Variants in CSRP1 observed in about 807,000 individuals in gnomAD.
The protein encoded by CSRP1 is cysteine and glycine-rich protein 1.
A neutral mutation model predicts 25.4 loss-of-function variants in CSRP1; 16 were observed. The ratio of observed to expected loss-of-function variants is 0.63; its 90% CI spans 0.43 to 0.96. The LOEUF is 0.96. Ranked by LOEUF, CSRP1 falls within the 40% of genes least tolerant of loss-of-function variation. The pLI, the probability that CSRP1 is intolerant of heterozygous loss-of-function variation, is 0.00. For synonymous variants in CSRP1, 97 were observed against 95.3 expected, an observed-to-expected ratio of 1.02 and a Z score of -0.10; for missense variants, 212 against 243.6, an observed-to-expected ratio of 0.87 and a Z score of 0.86.
At chr1:201,504,919 C>T (rs1432244564) in intron 1 of CSRP1, among the ~76,000 whole-genome samples, 2 of 152,056 alleles carry the variant, frequency 1.3e-5, no homozygotes, top group African/African-American at 4.8e-5. Context: ...GCCAACATGG[C>T]GAAATGCCGT....
At chr1:201,493,166 C>A (rs1210324880) in intron 2 of CSRP1, among the ~76,000 whole-genome samples, 8 of 152,208 alleles carry the variant, frequency 5.3e-5, no homozygotes, top group Admixed American at 4.6e-4. Flanking sequence ...GATCTGGCAG[C>A]CCCTTTCAAG....
At chr1:201,504,432 T>A (rs552642320) in intron 1 of CSRP1, among the ~76,000 whole-genome samples, 2 of 152,268 alleles carry the variant, frequency 1.3e-5, no homozygotes, top group African/African-American at 4.8e-5. Flanking sequence ...TCTCTTTTGA[T>A]ATTTGACAAT....
intron 4 of CSRP1, chr1:201,486,806 A>G: frequency 9.5e-7 from 1 of 1,056,766 alleles, no homozygotes; most frequent in Non-Finnish European, 1.2e-6. Flanking sequence ...TGAATGCAAA[A>G]TTCTCTTATC....
chr1:201,500,404 C>T (rs564545471), intron 1 of CSRP1, among the ~76,000 whole-genome samples: 10 of 152,370 alleles, frequency 6.6e-5, no homozygotes, highest in Admixed American at 1.3e-4. Context: ...CCAGCAGGGC[C>T]CCAGGGAATC....
intron 1 of CSRP1, among the ~76,000 whole-genome samples, chr1:201,503,646 C>G (rs1161071653): frequency 6.6e-6 from 1 of 152,164 alleles, no homozygotes; most frequent in African/African-American, 2.4e-5. Context: ...ACACACTTTA[C>G]CATACATGGG....
At chr1:201,504,103 T>G (rs2102417336) in intron 1 of CSRP1, among the ~76,000 whole-genome samples, 1 of 152,322 alleles carries the variant, frequency 6.6e-6, no homozygotes, top group Middle Eastern at 3.4e-3. Context: ...CTTAGTGAGT[T>G]GATCTGGAAA....
chr1:201,488,229 G>T (rs563998861), intron 4 of CSRP1: 2 of 152,212 alleles, frequency 1.3e-5, no homozygotes, highest in Admixed American at 6.5e-5. Context: ...ATTGGGAACT[G>T]TTGATTTGCT....
At chr1:201,492,477 AG>A in intron 2 of CSRP1, 1 of 152,262 alleles carries the variant, frequency 6.6e-6, no homozygotes, top group African/African-American at 2.4e-5. Flanking sequence ...GACTCAATCA[AG>A]GGGAATTTTA....
chr1:201,494,055 G>C (rs1212230924), intron 2 of CSRP1, among the ~76,000 whole-genome samples: 1 of 152,026 alleles, frequency 6.6e-6, no homozygotes, highest in Non-Finnish European at 1.5e-5. Context: ...ACCTGAGACT[G>C]CTTCCTGCGG....
intron 1 of CSRP1, among the ~76,000 whole-genome samples, chr1:201,502,721 C>A (rs1334157299): frequency 6.6e-6 from 1 of 152,196 alleles, no homozygotes; most frequent in Non-Finnish European, 1.5e-5. Flanking sequence ...AATGAGCTTT[C>A]TCTTTTCAAA....
At chr1:201,501,882 A>G (rs1664679947) in intron 1 of CSRP1, among the ~76,000 whole-genome samples, 1 of 151,876 alleles carries the variant, frequency 6.6e-6, no homozygotes, top group South Asian at 2.1e-4. Flanking sequence ...AATCCCAGCT[A>G]CTCCGGAGGC....
chr1:201,489,087 G>T, intron 3 of CSRP1, 103 bp from the exon 4 acceptor site: 1 of 1,470,444 alleles, frequency 6.8e-7, no homozygotes, highest in Non-Finnish European at 9.3e-7. Flanking sequence ...CCAGAGCAGC[G>T]CGCAATTCTC....
intron 5 of CSRP1, 76 bp from the exon 6 acceptor site, chr1:201,484,865 TC>T (rs1030911647): frequency 3.3e-5 from 44 of 1,316,412 alleles, no homozygotes; most frequent in Non-Finnish European, 3.7e-5. Flanking sequence ...CTGCTGAAGA[TC>T]CCCCACTCCT....
rs373485160 is a variant in CSRP1, at chr1:201,488,581, TCTC to T, written c.411+271_411+273del. On this transcript the variant is annotated intron_variant, in intron 4 of 5. Transcript: ENST00000340006. ...CCATCCACGTACCCTTACTTTCTGT[TCTC>T]CTATATTAGAGATACAGATTGATCA... 824 of 250,426 alleles carry T rather than the reference TCTC, an allele frequency of 3.3e-3. 4 individuals carry two copies. The highest frequency in any genetic ancestry group is 0.016 in the African/African-American group (748 of 45,466). The allele number at this position is 250,426 out of a possible 1,614,324, so 15.5% of individuals were successfully genotyped here.
intron 4 of CSRP1, 121 bp from the exon 5 acceptor site, chr1:201,485,497 A>G (rs967268011): frequency 3.7e-5 from 31 of 847,916 alleles, no homozygotes; most frequent in Non-Finnish European, 5.0e-5. Flanking sequence ...AAGTCTACTC[A>G]GCTGGTGCTG....
intron 1 of CSRP1, among the ~76,000 whole-genome samples, chr1:201,499,166 GT>G (rs1664593243): frequency 6.6e-6 from 1 of 152,206 alleles, no homozygotes; most frequent in Non-Finnish European, 1.5e-5. Flanking sequence ...TCAAGCAAAG[GT>G]TTGGAGCTGA....
At chr1:201,496,144 C>T (rs200427961) in intron 2 of CSRP1, 48 bp downstream of exon 2, 81 of 1,467,948 alleles carry the variant, frequency 5.5e-5, no homozygotes, top group Admixed American at 1.2e-4. Flanking sequence ...GGGGCAGGCC[C>T]GTCCAGGGTG....
intron 3 of CSRP1, chr1:201,489,467 G>C (rs1664258844): frequency 5.7e-6 from 1 of 175,132 alleles, no homozygotes. Context: ...GCCGTGGGGT[G>C]AGGGGGGTGT....
rs1438249299 is a variant in CSRP1, at chr1:201,496,288, C to G, written c.16G>C (p.Gly6Arg). ...TGACACACCCCACATTTCTTGCCTC[C>G]TCCCCAGTTCGGCATTCTGAAAAGG... is the stretch of plus-strand genomic sequence containing the variant. MPNWG[G>R]GKKCGVCQKT... is the part of the protein sequence containing the mutation. The change falls in exon 2 of 6, where the codon GGA (glycine) becomes CGA (arginine). Residue 6 changes from glycine (G) to arginine (R), a missense_variant. Transcript: ENST00000340006. The G allele has an allele frequency of 6.2e-7, 1 of 1,613,882 alleles. No individual in the cohort carries two copies. The highest frequency in any genetic ancestry group is 1.7e-5 in the Admixed American group (1 of 60,010).
Sources: gnomAD v4.1 joint callset for allele counts (sites outside exome capture counted in the v4.1 genomes callset) on GRCh38, gnomAD v4.1.1 for gene constraint, MANE v1.5 for transcripts, NCBI Gene and HGNC (gene_info 2026-07-23, HGNC 2026-07-21) for gene names.